KLHDC1: variants seen among roughly 807,000 people sequenced by gnomAD.
KLHDC1 encodes kelch domain-containing protein 1.
In KLHDC1, 53 loss-of-function variants were observed where a neutral mutation model predicts 68.3. The ratio of observed to expected loss-of-function variants is 0.78; its 90% CI spans 0.62 to 0.98. The LOEUF is 0.98. Ranked by LOEUF, KLHDC1 falls within the 50% of genes least tolerant of loss-of-function variation. The probability of loss-of-function intolerance (pLI) is 0.00; values close to 1 mark genes in which losing one functional copy is unlikely to be tolerated. For synonymous variants in KLHDC1, 148 were observed against 159.0 expected, an observed-to-expected ratio of 0.93 and a Z score of 0.52; for missense variants, 470 against 492.3, an observed-to-expected ratio of 0.95 and a Z score of 0.43.
chr14:49,714,765 A>G (rs886311965), intron 4 of KLHDC1, among the ~76,000 whole-genome samples: 1 of 150,988 alleles, frequency 6.6e-6, no homozygotes, highest in Non-Finnish European at 1.5e-5. Context: ...ACTCTGACTC[A>G]TATACTATAC....
At chr14:49,733,042 A>G (rs964670823) in intron 9 of KLHDC1, among the ~76,000 whole-genome samples, 1 of 152,258 alleles carries the variant, frequency 6.6e-6, no homozygotes, top group Admixed American at 6.5e-5. Flanking sequence ...TTGAAGCTAG[A>G]TGAAACAAAG....
At chr14:49,707,796 A>T (rs1395127788) in intron 1 of KLHDC1, 1 of 148,062 alleles carries the variant, frequency 6.8e-6, no homozygotes, top group Non-Finnish European at 1.5e-5. Flanking sequence ...GACTACAGGC[A>T]TGTGCCACCA....
chr14:49,693,333 C>T (rs766772414), intron 1 of KLHDC1, 43 bp downstream of exon 1: 12 of 1,327,358 alleles, frequency 9.0e-6, no homozygotes, highest in Non-Finnish European at 1.2e-5. Context: ...CGCCGGGAGA[C>T]CCTCGGCCTG....
intron 10 of KLHDC1, among the ~76,000 whole-genome samples, chr14:49,736,167 C>T (rs968864650): frequency 3.3e-5 from 5 of 152,008 alleles, no homozygotes; most frequent in Admixed American, 6.6e-5. Flanking sequence ...TAAAATTGCT[C>T]CTATTTTATA....
Position 49,751,678 on chromosome 14 carries a change from A to C in KLHDC1, c.1127A>C (p.Lys376Thr), listed in dbSNP as rs368273047. 3 of 1,608,704 alleles carry C rather than the reference A, an allele frequency of 1.9e-6. No homozygotes were observed. Among genetic ancestry groups the C allele is most frequent in the Non-Finnish European group, 2.5e-6 (3 of 1,176,658 alleles). ...PPKLLQQVLKKITFWAAANHR... is the reference protein window; with the variant it reads ...PPKLLQQVLKTITFWAAANHR... ...AAACTTCTGCAACAAGTACTCAAAA[A>C]AATAACATTTTGGGCTGCAGCTAAT... Residue 376 changes from lysine (K) to threonine (T), a missense_variant, in exon 13 of 13, where the codon AAA (lysine) becomes ACA (threonine). Lys to Thr is a moderately conservative substitution (Grantham distance 78). Coordinates refer to ENST00000359332, the MANE Select transcript of KLHDC1 (RefSeq NM_172193.3).
intron 12 of KLHDC1, among the ~76,000 whole-genome samples, chr14:49,745,702 A>C (rs538816347): frequency 6.6e-6 from 1 of 152,218 alleles, no homozygotes; most frequent in Non-Finnish European, 1.5e-5. Flanking sequence ...TAGTGTAAAG[A>C]TATATACAAA....
rs972099049 is a variant in KLHDC1, at chr14:49,712,254, G to T, written c.404+1873G>T. Among the ~76,000 whole-genome samples the T allele has an allele frequency of 2.4e-4, 36 of 151,942 alleles. 1 individual carries two copies. Among genetic ancestry groups the T allele is most frequent in the Admixed American group, 1.1e-3 (17 of 15,240 alleles). ...CATATATATAGTTGCTTTTATTCTAGAGATTTCCTTTTGGTCTTTTTTGTT... is the reference window on the plus strand; with the variant it reads ...CATATATATAGTTGCTTTTATTCTATAGATTTCCTTTTGGTCTTTTTTGTT... On this transcript the variant is annotated intron_variant, in intron 4 of 12. Coordinates refer to ENST00000359332, the MANE Select transcript of KLHDC1 (RefSeq NM_172193.3).
chr14:49,722,597 G>A (rs1414861280), intron 4 of KLHDC1, among the ~76,000 whole-genome samples: 2 of 152,230 alleles, frequency 1.3e-5, no homozygotes, highest in Non-Finnish European at 2.9e-5. Flanking sequence ...CATGGCTCAA[G>A]CCTTGTATTA....
chr14:49,725,776 G>A lies in KLHDC1; in HGVS notation c.567+7G>A. On this transcript the variant is annotated splice_region_variant and intron_variant, in intron 6 of 12. Transcript: ENST00000359332. ...GTTTCAACCAGAAATTAAAGTAAGT[G>A]TGGTAAAAAGTCATCTTTATATATT... 7.1e-7 allele frequency: 1 copy of A among 1,403,670 alleles called. No homozygotes were observed. Among genetic ancestry groups the A allele is most frequent in the Non-Finnish European group, 9.9e-7 (1 of 1,012,078 alleles). 87.0% of individuals were successfully genotyped at this position (1,403,670 alleles called of 1,614,324 possible).
At chr14:49,732,999 C>T (rs1428982656) in intron 9 of KLHDC1, among the ~76,000 whole-genome samples, 183 bp downstream of exon 9, 1 of 152,192 alleles carries the variant, frequency 6.6e-6, no homozygotes, top group South Asian at 2.1e-4. Flanking sequence ...CCACGTTCCC[C>T]TGTTTTCTAG....
chr14:49,708,134 G>A (rs1332531040), intron 1 of KLHDC1, among the ~76,000 whole-genome samples: 1 of 144,982 alleles, frequency 6.9e-6, no homozygotes, highest in Non-Finnish European at 1.5e-5. Context: ...GCAGTGGCAC[G>A]ATTTCAGCTC....
At chr14:49,732,013 A>G (rs1236328616) in intron 8 of KLHDC1, among the ~76,000 whole-genome samples, 1 of 152,210 alleles carries the variant, frequency 6.6e-6, no homozygotes, top group Non-Finnish European at 1.5e-5. Flanking sequence ...ATAAAAACCC[A>G]TAATATCCTT....
At chr14:49,722,370 G>GT (rs1301057415) in intron 4 of KLHDC1, among the ~76,000 whole-genome samples, 2 of 152,148 alleles carry the variant, frequency 1.3e-5, no homozygotes, top group African/African-American at 2.4e-5. Context: ...GCGGTGTTTG[G>GT]TTTTTTGTCC....
At chr14:49,717,130 G>A (rs1302225815) in intron 4 of KLHDC1, among the ~76,000 whole-genome samples, 1 of 152,152 alleles carries the variant, frequency 6.6e-6, no homozygotes, top group African/African-American at 2.4e-5. Flanking sequence ...AGATGCTTGG[G>A]TTGTGTCTAC....
At chr14:49,727,984 C>T (rs1168277311) in intron 6 of KLHDC1, among the ~76,000 whole-genome samples, 2 of 152,108 alleles carry the variant, frequency 1.3e-5, no homozygotes, top group African/African-American at 2.4e-5. Context: ...TCCCTCAAAC[C>T]TTATTCATTC....
chr14:49,719,761 C>T (rs1888479478), intron 4 of KLHDC1, among the ~76,000 whole-genome samples: 1 of 151,782 alleles, frequency 6.6e-6, no homozygotes, highest in Middle Eastern at 3.4e-3. Context: ...TTTTTGGCCT[C>T]CATTTTTCTT....
At chr14:49,732,307 G>A (rs1046786192) in intron 8 of KLHDC1, among the ~76,000 whole-genome samples, 3 of 151,926 alleles carry the variant, frequency 2.0e-5, no homozygotes, top group Non-Finnish European at 4.4e-5. Context: ...CGAGTAGCTG[G>A]GACTACAGGC....
chr14:49,749,147 C>A (rs568040134), intron 12 of KLHDC1, among the ~76,000 whole-genome samples: 1 of 151,728 alleles, frequency 6.6e-6, no homozygotes, highest in Non-Finnish European at 1.5e-5. Context: ...AATATATAAC[C>A]CTATATACAT....
At chr14:49,710,466 T>C (rs865867232) in intron 4 of KLHDC1, 85 bp downstream of exon 4, 4 of 713,154 alleles carry the variant, frequency 5.6e-6, no homozygotes, top group Non-Finnish European at 7.4e-6. Flanking sequence ...CTTAAAGGTA[T>C]GAGTTTTTTT....
Sources: allele counts gnomAD v4.1 joint callset (sites outside exome capture counted in the v4.1 genomes callset), GRCh38; gene constraint gnomAD v4.1.1; transcripts MANE v1.5; gene names NCBI Gene and HGNC (gene_info 2026-07-23, HGNC 2026-07-21).